Variants in GARS1 observed in about 807,000 individuals in gnomAD.
GARS1 encodes glycine--tRNA ligase.
A neutral mutation model predicts 86.4 loss-of-function variants in GARS1; 46 were observed. That is an observed-to-expected ratio of 0.53 (90% CI 0.42 to 0.68). GARS1 has a LOEUF of 0.68. Ranked by LOEUF, GARS1 falls within the 30% of genes least tolerant of loss-of-function variation. The pLI is 0.00. For missense variants in GARS1, 797 were observed against 915.6 expected, an observed-to-expected ratio of 0.87 and a Z score of 1.67; for synonymous variants, 342 against 329.8, an observed-to-expected ratio of 1.04 and a Z score of -0.40.
chr7:30,606,858 A>C (rs1395141890), intron 6 of GARS1, among the ~76,000 whole-genome samples: 2 of 152,214 alleles, frequency 1.3e-5, no homozygotes, highest in Non-Finnish European at 2.9e-5. Flanking sequence ...TCATGAGTTA[A>C]TATAGATACT....
chr7:30,623,660 A>G (rs1380843523), intron 12 of GARS1, among the ~76,000 whole-genome samples: 1 of 152,166 alleles, frequency 6.6e-6, no homozygotes, highest in Non-Finnish European at 1.5e-5. Flanking sequence ...TAGAAAAAAT[A>G]TTATACAGTA....
intron 15 of GARS1, 46 bp downstream of exon 15, chr7:30,631,587 A>C: frequency 8.3e-7 from 1 of 1,204,314 alleles, no homozygotes; most frequent in African/African-American, 1.5e-5. Flanking sequence ...ACCATCAAGG[A>C]GACTGAATTT....
chr7:30,628,473 C>T (rs1783170267), intron 13 of GARS1, 87 bp from the exon 14 acceptor site: 4 of 1,003,816 alleles, frequency 4.0e-6, no homozygotes, highest in Non-Finnish European at 4.7e-6. Flanking sequence ...GTGTGAGCCA[C>T]CGCAGCTGGT....
At chr7:30,605,249 G>A (rs1477791123) in intron 6 of GARS1, among the ~76,000 whole-genome samples, 1 of 152,150 alleles carries the variant, frequency 6.6e-6, no homozygotes, top group Non-Finnish European at 1.5e-5. Context: ...CACCTTCTGT[G>A]GTAGGAAGAC....
chr7:30,627,697 A>T (rs747649494), intron 13 of GARS1, among the ~76,000 whole-genome samples: 1 of 152,212 alleles, frequency 6.6e-6, no homozygotes, highest in Admixed American at 6.5e-5. Context: ...ACTCTCCCCT[A>T]AGGGCGTCCT....
chr7:30,629,572 T>C (rs569490630), intron 14 of GARS1, among the ~76,000 whole-genome samples: 69 of 152,360 alleles, frequency 4.5e-4, no homozygotes, highest in African/African-American at 1.5e-3. Flanking sequence ...GTGTACGTAA[T>C]GTTAGACATC....
intron 10 of GARS1, among the ~76,000 whole-genome samples, chr7:30,617,839 T>A (rs990741011): frequency 2.6e-5 from 4 of 152,112 alleles, no homozygotes; most frequent in African/African-American, 9.7e-5. Context: ...AACATGAACA[T>A]CAGTATTGAA....
At chr7:30,601,016 G>T in intron 3 of GARS1, 43 bp from the exon 4 acceptor site, 4 of 1,600,770 alleles carry the variant, frequency 2.5e-6, no homozygotes, top group Non-Finnish European at 3.4e-6. Flanking sequence ...CATTTGTTCA[G>T]AGTAACAAGG....
chr7:30,617,841 A>G (rs1562778489), intron 10 of GARS1, among the ~76,000 whole-genome samples: 1 of 152,210 alleles, frequency 6.6e-6, no homozygotes, highest in Non-Finnish European at 1.5e-5. Flanking sequence ...CATGAACATC[A>G]GTATTGAAGC....
rs1554336540 is a variant in GARS1, at chr7:30,595,107, G to C, written c.186G>C (p.Glu62Asp). 1 of 1,540,872 alleles carries C rather than the reference G, an allele frequency of 6.5e-7. No individual in the cohort carries two copies. The highest frequency in any genetic ancestry group is 8.7e-7 in the Non-Finnish European group (1 of 1,148,822). ...RSSMDGAGAEEVLAPLRLAVR... is the reference protein window; with the variant it reads ...RSSMDGAGAEDVLAPLRLAVR... ...GCATGGACGGCGCGGGGGCTGAGGA[G>C]GTGCTGGCACCTCTGAGGCTAGCAG... Residue 62 changes from glutamate (E) to aspartate (D), a missense_variant, in exon 1 of 17, where the codon GAG (glutamate) becomes GAC (aspartate). Coordinates refer to ENST00000389266, the MANE Select transcript of GARS1 (RefSeq NM_002047.4).
chr7:30,599,478 C>T (rs370539622), intron 2 of GARS1, among the ~76,000 whole-genome samples: 1 of 152,278 alleles, frequency 6.6e-6, no homozygotes, highest in South Asian at 2.1e-4. Context: ...TCTCAGCTCA[C>T]TGCAACCTCT....
Position 30,595,099 on chromosome 7 carries a change from G to A in GARS1, c.178G>A (p.Ala60Thr), listed in dbSNP as rs1310815361. 6.5e-7 allele frequency: 1 copy of A among 1,542,522 alleles called. No individual in the cohort carries two copies. The highest frequency in any genetic ancestry group is 1.9e-5 in the Admixed American group (1 of 51,748). Residue 60 changes from alanine (A) to threonine (T), a missense_variant, in exon 1 of 17, where the codon GCT (alanine) becomes ACT (threonine). Coordinates refer to ENST00000389266, the MANE Select transcript of GARS1 (RefSeq NM_002047.4). ...CCGGAGCAGCATGGACGGCGCGGGG[G>A]CTGAGGAGGTGCTGGCACCTCTGAG... Reference protein sequence around the residue: ...ASRSSMDGAGAEEVLAPLRLA... With the variant: ...ASRSSMDGAGTEEVLAPLRLA...
intron 1 of GARS1, among the ~76,000 whole-genome samples, chr7:30,596,616 C>A (rs939389186): frequency 6.6e-6 from 1 of 152,120 alleles, no homozygotes; most frequent in African/African-American, 2.4e-5. Flanking sequence ...GGCAGCTTTC[C>A]GATGCTACTA....
At position 30,615,127 on chromosome 7, in the gene GARS1, G is replaced by A. The variant is rs74788734; in HGVS notation, c.1032-769G>A. Among the ~76,000 whole-genome samples, 699 of 152,264 alleles carry A rather than the reference G, an allele frequency of 4.6e-3. 5 individuals are homozygous for A. Among genetic ancestry groups the A allele is most frequent in the African/African-American group, 0.016 (669 of 41,538 alleles). ...AAACCATTACTATGTGCACTTCATC[G>A]TTAGGTAATTAGCTTGATGTTAGCT... On this transcript the variant is annotated intron_variant, in intron 8 of 16. Transcript: ENST00000389266.
rs764305863 is a variant in GARS1, at chr7:30,612,186, C to A, written c.972C>A (p.Ala324=). ...FNQGKLPFAA[A]QIGNSFRNEI... is the part of the protein sequence containing the mutation. ...AAGGAAAGTTGCCTTTTGCTGCTGC[C>A]CAGATTGGAAATTCTTTTAGAAATG... Residue 324 remains alanine, a synonymous_variant, in exon 8 of 17, where the codon GCC becomes GCA. Transcript: ENST00000389266. 3.1e-6 allele frequency: 5 copies of A among 1,614,054 alleles called. No individual in the cohort carries two copies. Among genetic ancestry groups the A allele is most frequent in the Non-Finnish European group, 4.2e-6 (5 of 1,179,974 alleles).
At chr7:30,608,699 T>C (rs1791532610) in intron 6 of GARS1, among the ~76,000 whole-genome samples, 1 of 152,204 alleles carries the variant, frequency 6.6e-6, no homozygotes, top group African/African-American at 2.4e-5. Context: ...GTCCTGCCTG[T>C]GCTAAATACT....
rs558504522 is a variant in GARS1 at position 30,596,545 on chromosome 7, G to A, written c.222+1402G>A. On this transcript the variant is annotated intron_variant, in intron 1 of 16. Transcript: ENST00000389266. ...TCTGCCACGTTAGCCTGGAACTGCA[G>A]TGAAAATCATCCATCGGTAGTTAAG... 3.3e-5 allele frequency among the ~76,000 whole-genome samples: 5 copies of A among 151,886 alleles called. No homozygotes were observed. In the South Asian group the frequency reaches 8.3e-4, roughly 25 times the overall value.
intron 12 of GARS1, 126 bp from the exon 13 acceptor site, chr7:30,626,108 A>C (rs1002831546): frequency 1.5e-6 from 1 of 645,458 alleles, no homozygotes; most frequent in Non-Finnish European, 2.8e-6. Flanking sequence ...GACATCACTT[A>C]TTATATCTGG....
chr7:30,626,818 T>A (rs1219453758), intron 13 of GARS1, among the ~76,000 whole-genome samples: 2 of 152,086 alleles, frequency 1.3e-5, no homozygotes, highest in African/African-American at 4.8e-5. Flanking sequence ...CCGTCTCTAC[T>A]AAAAATACAA....
Sources: gnomAD v4.1 joint callset for allele counts (sites outside exome capture counted in the v4.1 genomes callset) on GRCh38, gnomAD v4.1.1 for gene constraint, MANE v1.5 for transcripts, NCBI Gene and HGNC (gene_info 2026-07-23, HGNC 2026-07-21) for gene names.